Variants in PLD3 observed in about 807,000 individuals in gnomAD.
PLD3 encodes the protein phospholipase D family member 3, also known as 5'-3' exonuclease PLD3.
Under a neutral mutation model 58.4 loss-of-function variants are expected in PLD3, and 31 were observed. The ratio of observed to expected loss-of-function variants is 0.53; its 90% CI spans 0.40 to 0.72. The LOEUF is 0.72. PLD3 is among the 30% of genes least tolerant of loss of function. The pLI is 0.00. For missense variants in PLD3, 595 were observed against 659.8 expected, an observed-to-expected ratio of 0.90 and a Z score of 1.08; for synonymous variants, 264 against 273.4, an observed-to-expected ratio of 0.97 and a Z score of 0.34.
intron 9 of PLD3, among the ~76,000 whole-genome samples, chr19:40,373,583 A>G (rs529187214): frequency 1.3e-5 from 2 of 150,584 alleles, no homozygotes; most frequent in African/African-American, 2.4e-5. Flanking sequence ...CTTCAAAAAA[A>G]AAAAAAGGGG....
intron 5 of PLD3, 38 bp downstream of exon 5, chr19:40,366,953 T>G: frequency 6.4e-7 from 1 of 1,565,900 alleles, no homozygotes. Context: ...GGGAGGGGCC[T>G]GCCAGACCAG....
chr19:40,371,826 C>G lies in PLD3; in HGVS notation c.832C>G (p.Pro278Ala). 1 of 1,614,156 alleles carries G rather than the reference C, an allele frequency of 6.2e-7. No individual in the cohort carries two copies. The highest frequency in any genetic ancestry group is 8.5e-7 in the Non-Finnish European group (1 of 1,180,024). ...FYDTRYNQETPMEICLNGTPA... is the reference protein window; with the variant it reads ...FYDTRYNQETAMEICLNGTPA... ...TGACACCCGCTACAACCAAGAGACA[C>G]CAATGGAGATCTGCCTCAATGGAAC... The change falls in exon 9 of 13, where the codon CCA becomes GCA. Residue 278 changes from proline (P) to alanine (A), a missense_variant. Coordinates refer to ENST00000409735, the MANE Select transcript of PLD3 (RefSeq NM_012268.4).
At chr19:40,364,151 C>A (rs943516066) in intron 1 of PLD3, among the ~76,000 whole-genome samples, 1 of 150,952 alleles carries the variant, frequency 6.6e-6, no homozygotes, top group Non-Finnish European at 1.5e-5. Flanking sequence ...GTCAGGAGTT[C>A]GAGACCAGCC....
intron 1 of PLD3, among the ~76,000 whole-genome samples, chr19:40,361,483 C>T (rs1212227452): frequency 1.3e-5 from 2 of 152,160 alleles, no homozygotes; most frequent in Non-Finnish European, 2.9e-5. Flanking sequence ...ACACGTGACC[C>T]TGTTCTACTC....
intron 2 of PLD3, chr19:40,366,131 G>C (rs1369568315): frequency 5.2e-6 from 2 of 387,242 alleles, no homozygotes; most frequent in Non-Finnish European, 9.4e-6. Flanking sequence ...CTTTCTTGGG[G>C]TGTCTACAGG....
At chr19:40,368,445 A>G (rs951048442) in intron 6 of PLD3, among the ~76,000 whole-genome samples, 2 of 152,232 alleles carry the variant, frequency 1.3e-5, no homozygotes, top group Non-Finnish European at 2.9e-5. Flanking sequence ...CTTAAAGAAC[A>G]TAAAAGCTTC....
intron 1 of PLD3, among the ~76,000 whole-genome samples, chr19:40,350,278 A>C (rs1176250521): frequency 6.6e-6 from 1 of 151,806 alleles, no homozygotes; most frequent in Non-Finnish European, 1.5e-5. Context: ...AAAAAAAAAA[A>C]AAAAACTGCA....
Position 40,366,686 on chromosome 19 carries a change from TAGG to T in PLD3, c.102+5_102+7del, listed in dbSNP as rs757490315. ...GAGGCGTGGAAGGCTGCGGAAAAGGTAGGAGCCCTCCGCCACCCTCGCTCTGTC... is the reference window on the plus strand; with the variant it reads ...GAGGCGTGGAAGGCTGCGGAAAAGGTAGCCCTCCGCCACCCTCGCTCTGTC... On this transcript the variant is annotated splice_donor_5th_base_variant and intron_variant, in intron 4 of 12. Coordinates refer to ENST00000409735, the MANE Select transcript of PLD3 (RefSeq NM_012268.4). 2 of 1,609,756 alleles carry T rather than the reference TAGG, an allele frequency of 1.2e-6. No homozygotes were observed. The highest frequency in any genetic ancestry group is 1.7e-6 in the Non-Finnish European group (2 of 1,177,324).
intron 9 of PLD3, among the ~76,000 whole-genome samples, chr19:40,373,268 G>A (rs2079110150): frequency 6.6e-6 from 1 of 152,096 alleles, no homozygotes; most frequent in Non-Finnish European, 1.5e-5. Context: ...CAGTTTCCTT[G>A]TCTCTTGAGC....
chr19:40,376,560 C>T, intron 10 of PLD3, 49 bp from the exon 11 acceptor site: 1 of 1,567,176 alleles, frequency 6.4e-7, no homozygotes, highest in African/African-American at 1.3e-5. Context: ...AGCCTGTGGA[C>T]ACAGCCGCCC....
At chr19:40,370,438 C>A in intron 8 of PLD3, 1 of 492,240 alleles carries the variant, frequency 2.0e-6, no homozygotes, top group Non-Finnish European at 3.5e-6. Flanking sequence ...TTTGGGAGGC[C>A]AAGGTGGGAG....
chr19:40,375,601 G>T (rs1250837884), intron 10 of PLD3, among the ~76,000 whole-genome samples: 1 of 144,262 alleles, frequency 6.9e-6, no homozygotes, highest in Non-Finnish European at 1.5e-5. Flanking sequence ...AGTGAGCCAA[G>T]ATCATGCCAC....
chr19:40,373,590 G>T (rs1279245693), intron 9 of PLD3, among the ~76,000 whole-genome samples: 1 of 143,638 alleles, frequency 7.0e-6, no homozygotes, highest in Non-Finnish European at 1.5e-5. Flanking sequence ...AAAAAAAAAA[G>T]GGGGGGAAGC....
rs2079039359 is a variant in PLD3, at chr19:40,370,427, C to G, written c.678+190C>G. The G allele has an allele frequency of 2.6e-5, 14 of 535,230 alleles. No homozygotes were observed. The South Asian group carries it at 3.3e-4, about 13-fold the overall frequency. The allele number at this position is 535,230 out of a possible 1,614,324, so 33.2% of individuals were successfully genotyped here. The stretch of plus-strand genomic sequence containing the variant: ...GTGGCTCACACCTATAATCTCAACA[C>G]TTTGGGAGGCCAAGGTGGGAGGATT... On this transcript the variant is annotated intron_variant, in intron 8 of 12. Coordinates refer to ENST00000409735, the MANE Select transcript of PLD3 (RefSeq NM_012268.4).
intron 9 of PLD3, among the ~76,000 whole-genome samples, chr19:40,372,143 C>T (rs73933273): frequency 0.03 from 4,635 of 152,184 alleles, 248 homozygotes; most frequent in African/African-American, 0.1. Flanking sequence ...TGCTCTATAT[C>T]ATCCAGTATA....
rs2079301492 is a variant in PLD3, at chr19:40,378,444, A to C, written c.*271A>C. The C allele has an allele frequency of 1.8e-6, 1 of 571,338 alleles. No homozygotes were observed. Among genetic ancestry groups the C allele is most frequent in the Non-Finnish European group, 3.1e-6 (1 of 318,350 alleles). The allele number at this position is 571,338 out of a possible 1,614,324, so 35.4% of individuals were successfully genotyped here. On this transcript the variant is annotated 3_prime_UTR_variant, in exon 13 of 13. Transcript: ENST00000409735. ...GGCCCACCCCCACTTTCCAGGGCAA[A>C]AAGGGCCCAGGGTTATAATAAGTAA... is the stretch of plus-strand genomic sequence containing the variant.
At position 40,366,770 on chromosome 19, in the gene PLD3, C is replaced by T; in HGVS notation, c.103-3C>T. The T allele has an allele frequency of 6.2e-7, 1 of 1,613,974 alleles. No homozygotes were observed. The highest frequency in any genetic ancestry group is 8.5e-7 in the Non-Finnish European group (1 of 1,179,896). ...CTGGCTGACCACCTCCTCCTCCCCA[C>T]AGAAAGCCCGCTGGGTCCTGCTGGT... On this transcript the variant is annotated splice_polypyrimidine_tract_variant and splice_region_variant and intron_variant, in intron 4 of 12. Coordinates refer to ENST00000409735, the MANE Select transcript of PLD3 (RefSeq NM_012268.4).
intron 7 of PLD3, 40 bp downstream of exon 7, chr19:40,370,068 G>A (rs1268906438): frequency 2.5e-6 from 4 of 1,581,078 alleles, no homozygotes; most frequent in Non-Finnish European, 3.4e-6. Context: ...GGGCCTGGGG[G>A]TACCCAGCCT....
intron 1 of PLD3, among the ~76,000 whole-genome samples, chr19:40,360,957 C>CT (rs1235166142): frequency 6.6e-6 from 1 of 152,160 alleles, no homozygotes; most frequent in Non-Finnish European, 1.5e-5. Flanking sequence ...TGGGACACAT[C>CT]TTTTTTGAGG....
Sources: gnomAD v4.1 joint callset for allele counts (sites outside exome capture counted in the v4.1 genomes callset) on GRCh38, gnomAD v4.1.1 for gene constraint, MANE v1.5 for transcripts, NCBI Gene and HGNC (gene_info 2026-07-23, HGNC 2026-07-21) for gene names.